The following VLDLR variants were observed in gnomAD, a reference collection of about 807,000 sequenced individuals.
VLDLR encodes the protein very low-density lipoprotein receptor.
A neutral mutation model predicts 112.7 loss-of-function variants in VLDLR; 81 were observed. That is an observed-to-expected ratio of 0.72 (90% CI 0.60 to 0.86). VLDLR has a LOEUF of 0.86. VLDLR is among the 40% of genes least tolerant of loss of function. VLDLR has a pLI of 0.00. For missense variants in VLDLR, 1,237 were observed against 1,099.4 expected (o/e 1.13, Z -1.77); for synonymous variants, 436 against 384.8 (o/e 1.13, Z -1.56).
At chr9:2,627,058 C>T (rs1238614596) in intron 1 of VLDLR, among the ~76,000 whole-genome samples, 2 of 99,300 alleles carry the variant, frequency 2.0e-5, no homozygotes, top group East Asian at 3.1e-4. Context: ...ACAGAGTGAC[C>T]ATAGCACTGG....
chr9:2,638,260 A>G (rs1311985029), intron 2 of VLDLR, among the ~76,000 whole-genome samples: 1 of 152,140 alleles, frequency 6.6e-6, no homozygotes, highest in Non-Finnish European at 1.5e-5. Context: ...GATCATCATA[A>G]TTTGTCAACC....
chr9:2,641,337 T>C, intron 3 of VLDLR, 40 bp from the exon 4 acceptor site: 1 of 1,613,458 alleles, frequency 6.2e-7, no homozygotes, highest in South Asian at 1.1e-5. Flanking sequence ...TTTGCATTGA[T>C]CAGTTCTGAG....
At chr9:2,640,043 G>C (rs1362167923) in intron 3 of VLDLR, 62 bp downstream of exon 3, 6 of 1,613,532 alleles carry the variant, frequency 3.7e-6, no homozygotes, top group Admixed American at 1.7e-5. Flanking sequence ...ACATTTCTAA[G>C]TATTGCTTAA....
At chr9:2,652,682 A>C (rs1469732429) in intron 17 of VLDLR, 98 bp from the exon 18 acceptor site, 1 of 1,511,772 alleles carries the variant, frequency 6.6e-7, no homozygotes, top group Non-Finnish European at 9.2e-7. Flanking sequence ...TGGCATTTTT[A>C]CTAATGTCAA....
chr9:2,625,694 C>G (rs1394905712), intron 1 of VLDLR, among the ~76,000 whole-genome samples: 1 of 152,124 alleles, frequency 6.6e-6, no homozygotes, highest in Non-Finnish European at 1.5e-5. Flanking sequence ...TTAGTTTGGT[C>G]CCTACTAATT....
At chr9:2,641,968 GAA>G (rs57594382) in intron 4 of VLDLR, among the ~76,000 whole-genome samples, 40 of 106,496 alleles carry the variant, frequency 3.8e-4, no homozygotes, top group African/African-American at 9.8e-4. Flanking sequence ...AACTTTCCCA[GAA>G]AAAAAAAAAA....
At chr9:2,636,888 G>T (rs1036560827) in intron 2 of VLDLR, among the ~76,000 whole-genome samples, 2 of 152,086 alleles carry the variant, frequency 1.3e-5, no homozygotes, top group African/African-American at 4.8e-5. Flanking sequence ...CCCATTGCTT[G>T]TTCTTAAAAA....
chr9:2,624,335 C>A (rs1478662914), intron 1 of VLDLR, among the ~76,000 whole-genome samples: 1 of 152,208 alleles, frequency 6.6e-6, no homozygotes, highest in South Asian at 2.1e-4. Flanking sequence ...AGTCTCAGGG[C>A]ATGTGGGCTG....
At chr9:2,626,043 A>G (rs1257830089) in intron 1 of VLDLR, among the ~76,000 whole-genome samples, 2 of 152,248 alleles carry the variant, frequency 1.3e-5, no homozygotes, top group African/African-American at 2.4e-5. Context: ...AAACACTGTT[A>G]ATACCACTTA....
At position 2,643,173 on chromosome 9, in the gene VLDLR, T is replaced by C; in HGVS notation, c.462T>C (p.Cys154=). ...CTCTCTTAATAGGCAATATAACATG[T>C]AGTCCCGACGAGTTCACCTGCTCCA... The part of the protein sequence containing the change: ...EDEENCGNIT[C]SPDEFTCSSG... The change falls in exon 5 of 19, where the codon TGT becomes TGC. Residue 154 remains cysteine, a synonymous_variant. Coordinates refer to ENST00000382100, the MANE Select transcript of VLDLR (RefSeq NM_003383.5). 6.2e-7 allele frequency: 1 copy of C among 1,611,982 alleles called. No individual in the cohort carries two copies. The highest frequency in any genetic ancestry group is 2.2e-5 in the East Asian group (1 of 44,880).
At chr9:2,637,097 T>G (rs1817624671) in intron 2 of VLDLR, among the ~76,000 whole-genome samples, 1 of 152,194 alleles carries the variant, frequency 6.6e-6, no homozygotes, top group African/African-American at 2.4e-5. Context: ...AATTATATCC[T>G]TAGCCAAAAT....
rs746718260 is a variant in VLDLR, at chr9:2,659,794, T to A, written c.*5926T>A. On this transcript the variant is annotated 3_prime_UTR_variant, in exon 19 of 19. Transcript: ENST00000382100. ...TTGGGTATTTCTCAGTTAACACACA[T>A]GCAAGGAGGAAGAGAGTTTTTTTGA... 2 of 152,226 alleles carry A rather than the reference T, an allele frequency of 1.3e-5. No individual in the cohort carries two copies. The highest frequency in any genetic ancestry group is 2.9e-5 in the Non-Finnish European group (2 of 68,034). The allele number at this position is 152,226 out of a possible 1,614,324, so 9.4% of individuals were successfully genotyped here.
intron 11 of VLDLR, among the ~76,000 whole-genome samples, chr9:2,647,133 G>C (rs540378674): frequency 1.4e-5 from 2 of 146,766 alleles, no homozygotes; most frequent in East Asian, 3.9e-4. Context: ...AGCCTCATTA[G>C]AACTCAGTCA....
At chr9:2,628,744 C>T (rs1400402439) in intron 1 of VLDLR, among the ~76,000 whole-genome samples, 3 of 152,052 alleles carry the variant, frequency 2.0e-5, no homozygotes, top group African/African-American at 7.2e-5. Context: ...GTAATGGGGC[C>T]AATCAAAGAT....
chr9:2,641,042 C>G (rs1343164828), intron 3 of VLDLR, among the ~76,000 whole-genome samples: 1 of 152,194 alleles, frequency 6.6e-6, no homozygotes, highest in Admixed American at 6.5e-5. Flanking sequence ...GGTGTGCCCA[C>G]TTGACATCCA....
chr9:2,629,727 A>G (rs1817251085), intron 1 of VLDLR, among the ~76,000 whole-genome samples: 1 of 152,242 alleles, frequency 6.6e-6, no homozygotes, highest in South Asian at 2.1e-4. Context: ...ACTTATTTCC[A>G]TGACTCAGAA....
chr9:2,642,063 G>A (rs1394383349), intron 4 of VLDLR, among the ~76,000 whole-genome samples: 4 of 151,590 alleles, frequency 2.6e-5, no homozygotes, highest in Admixed American at 1.3e-4. Context: ...TTTGTCTCCT[G>A]TTGCAGTTCC....
In VLDLR at chr9:2,627,675, CA is replaced by C. The variant is rs534671969; in HGVS notation, c.82+5406del. Among the ~76,000 whole-genome samples the C allele has an allele frequency of 4.3e-4, 65 of 151,964 alleles. No individual in the cohort carries two copies. In the South Asian group the frequency reaches 0.012, roughly 27 times the overall value. ...GTCAGGAGTTCGAGACCAGCCTGGC[CA>C]ACATAGTGAAAGCCCATCTCTACTA... is the stretch of plus-strand genomic sequence containing the variant. On this transcript the variant is annotated intron_variant, in intron 1 of 18. Coordinates refer to ENST00000382100, the MANE Select transcript of VLDLR (RefSeq NM_003383.5).
intron 2 of VLDLR, among the ~76,000 whole-genome samples, chr9:2,636,234 G>T (rs571634803): frequency 6.6e-6 from 1 of 152,258 alleles, no homozygotes; most frequent in African/African-American, 2.4e-5. Flanking sequence ...TGCATGGCAA[G>T]ATTACATTTA....
Sources: gnomAD v4.1 joint callset for allele counts (sites outside exome capture counted in the v4.1 genomes callset) on GRCh38, gnomAD v4.1.1 for gene constraint, MANE v1.5 for transcripts, NCBI Gene and HGNC (gene_info 2026-07-23, HGNC 2026-07-21) for gene names.